TENM3: variants seen among roughly 807,000 people sequenced by gnomAD.
TENM3 encodes the protein teneurin transmembrane protein 3.
A neutral mutation model predicts 255.1 loss-of-function variants in TENM3; 63 were observed. The ratio of observed to expected loss-of-function variants is 0.25; its 90% CI spans 0.20 to 0.30. The LOEUF (loss-of-function observed/expected upper bound fraction) is 0.30, where lower values mean the gene tolerates loss of function less well. Among genes scored for constraint, TENM3 ranks in the 10% least tolerant of loss-of-function variants. The pLI is 1.00. For synonymous variants in TENM3, 1,306 were observed against 1,322.3 expected, an observed-to-expected ratio of 0.99 and a Z score of 0.27; for missense variants, 2,929 against 3,461.1, an observed-to-expected ratio of 0.85 and a Z score of 3.86.
chr4:182,253,613 A>T (rs1156718806), intron 1 of TENM3, among the ~76,000 whole-genome samples: 1 of 152,210 alleles, frequency 6.6e-6, no homozygotes, highest in Non-Finnish European at 1.5e-5. Context: ...TGATAAAAAA[A>T]ATTTTGAGCT....
chr4:182,507,149 A>G (rs915112193), intron 3 of TENM3, among the ~76,000 whole-genome samples: 11 of 59,690 alleles, frequency 1.8e-4, no homozygotes, highest in Non-Finnish European at 4.2e-4. Flanking sequence ...ATCACTAAGG[A>G]AAAAAAAAGC....
intron 2 of TENM3, among the ~76,000 whole-genome samples, chr4:182,344,813 A>G (rs913892114): frequency 1.3e-5 from 2 of 152,172 alleles, no homozygotes; most frequent in African/African-American, 4.8e-5. Context: ...GTTACAAGTG[A>G]CATATAAATA....
At chr4:182,482,910 G>T (rs1734333252) in intron 3 of TENM3, among the ~76,000 whole-genome samples, 1 of 151,930 alleles carries the variant, frequency 6.6e-6, no homozygotes, top group Non-Finnish European at 1.5e-5. Flanking sequence ...AATTAATTTT[G>T]GATTTCAGAT....
At chr4:181,522,006 C>A in the TENM3 span, among the ~76,000 whole-genome samples, 3 of 144,254 alleles carry the variant, frequency 2.1e-5, no homozygotes, top group African/African-American at 7.7e-5. Flanking sequence ...GAGGCTGAGG[C>A]AGGAGAATGG....
the TENM3 span, among the ~76,000 whole-genome samples, chr4:181,617,800 G>A: frequency 2.0e-5 from 3 of 152,154 alleles, no homozygotes; most frequent in Non-Finnish European, 4.4e-5. Flanking sequence ...TGAGTAAACT[G>A]GATACCCTAC....
chr4:182,717,600 A>G (rs568976639), intron 13 of TENM3, among the ~76,000 whole-genome samples: 9 of 152,314 alleles, frequency 5.9e-5, no homozygotes, highest in Non-Finnish European at 8.8e-5. Context: ...AAGGCAAGCA[A>G]TGGATTACTA....
In TENM3 at chr4:182,431,660, G is replaced by A. The variant is rs1358306979; in HGVS notation, c.511+84731G>A. 3.3e-5 allele frequency among the ~76,000 whole-genome samples: 5 copies of A among 152,148 alleles called. No homozygotes were observed. The East Asian group carries it at 9.6e-4, about 29-fold the overall frequency. The stretch of plus-strand genomic sequence containing the variant: ...GAGCTATGTGAACTGAGACACTAGG[G>A]ACACGGGGAATGCCTGCAGGGGTCA... On this transcript the variant is annotated intron_variant, in intron 3 of 27. Coordinates refer to ENST00000511685, the MANE Select transcript of TENM3 (RefSeq NM_001080477.4).
chr4:182,798,454 T>C (rs916941063), intron 27 of TENM3, among the ~76,000 whole-genome samples: 1 of 152,230 alleles, frequency 6.6e-6, no homozygotes. Flanking sequence ...AGCCTACGTG[T>C]GCAGTAGGCT....
chr4:182,569,345 AG>A (rs998402203), intron 3 of TENM3, among the ~76,000 whole-genome samples: 37 of 152,194 alleles, frequency 2.4e-4, no homozygotes, highest in African/African-American at 8.2e-4. Context: ...ACTTGAGGTG[AG>A]GAGTTCGACA....
the TENM3 span, among the ~76,000 whole-genome samples, chr4:181,596,867 C>T: frequency 6.6e-5 from 10 of 151,886 alleles, no homozygotes; most frequent in African/African-American, 1.2e-4. Flanking sequence ...CACTTATAAG[C>T]GGGAGGTAAA....
chr4:182,719,725 A>G (rs906088130), intron 13 of TENM3, among the ~76,000 whole-genome samples: 2 of 152,148 alleles, frequency 1.3e-5, no homozygotes, highest in Non-Finnish European at 2.9e-5. Context: ...AATAAGAAAT[A>G]AATAATTAGA....
At chr4:181,627,924 A>G in the TENM3 span, among the ~76,000 whole-genome samples, 2 of 152,194 alleles carry the variant, frequency 1.3e-5, no homozygotes, top group Non-Finnish European at 2.9e-5. Context: ...TGTCTTCCAC[A>G]ATGGTTGAAC....
rs182516083 is a variant in TENM3, at chr4:182,767,888, T to G, written c.4893-5584T>G. 5.5e-3 allele frequency among the ~76,000 whole-genome samples: 838 copies of G among 152,294 alleles called. 3 individuals carry two copies. Among genetic ancestry groups the G allele is most frequent in the South Asian group, 0.023 (109 of 4,828 alleles). On this transcript the variant is annotated intron_variant, in intron 22 of 27. Transcript: ENST00000511685. ...AGAATGAACCCAAACCAACATCTGC[T>G]GCTGTCTTGCCTGCCCAGAACAGGC...
At chr4:182,341,289 A>T (rs1764474445) in intron 2 of TENM3, among the ~76,000 whole-genome samples, 1 of 152,190 alleles carries the variant, frequency 6.6e-6, no homozygotes, top group Non-Finnish European at 1.5e-5. Flanking sequence ...AAAAATTCAA[A>T]ACTATAAAAT....
At chr4:182,791,897 A>C (rs74788317) in intron 25 of TENM3, among the ~76,000 whole-genome samples, 3,931 of 152,256 alleles carry the variant, frequency 0.026, 159 homozygotes, top group African/African-American at 0.089. Flanking sequence ...CTAATTATGG[A>C]TAGAACTGCA....
chr4:182,364,418 T>C (rs1346173416), intron 3 of TENM3, among the ~76,000 whole-genome samples: 1 of 152,134 alleles, frequency 6.6e-6, no homozygotes, highest in Non-Finnish European at 1.5e-5. Flanking sequence ...TTTTTTGTTT[T>C]TTGTTTTTGT....
At chr4:182,396,200 C>T (rs1037484531) in intron 3 of TENM3, among the ~76,000 whole-genome samples, 3 of 152,164 alleles carry the variant, frequency 2.0e-5, no homozygotes, top group African/African-American at 7.2e-5. Flanking sequence ...TTGCCTTCAT[C>T]GCCTGCATTC....
chr4:182,391,972 T>C (rs970053045), intron 3 of TENM3, among the ~76,000 whole-genome samples: 1 of 152,240 alleles, frequency 6.6e-6, no homozygotes, highest in South Asian at 2.1e-4. Flanking sequence ...AAATGTTTTG[T>C]TCCTTAATTT....
the TENM3 span, among the ~76,000 whole-genome samples, chr4:181,965,981 T>A: frequency 1.3e-5 from 2 of 152,214 alleles, no homozygotes; most frequent in African/African-American, 4.8e-5. Flanking sequence ...TGGATGATTA[T>A]TGCCTAGAGC....
Sources: allele counts gnomAD v4.1 joint callset (sites outside exome capture counted in the v4.1 genomes callset), GRCh38; gene constraint gnomAD v4.1.1; transcripts MANE v1.5; gene names NCBI Gene and HGNC (gene_info 2026-07-23, HGNC 2026-07-21).